Variants in ZCCHC7 observed in about 807,000 individuals in gnomAD.
The protein encoded by ZCCHC7 is zinc finger CCHC-type containing 7.
ZCCHC7 carries 35 observed loss-of-function variants against 52.0 expected under a neutral mutation model. The observed-to-expected ratio is 0.67, with a 90% confidence interval of 0.51 to 0.89. The LOEUF (loss-of-function observed/expected upper bound fraction) is 0.89. Among genes scored for constraint, ZCCHC7 ranks in the 40% least tolerant of loss-of-function variants. The probability of loss-of-function intolerance (pLI) is 0.00; values close to 1 mark genes in which losing one functional copy is unlikely to be tolerated. For missense variants in ZCCHC7, 574 were observed against 649.1 expected (o/e 0.88, Z 1.26); for synonymous variants, 217 against 221.5 (o/e 0.98, Z 0.18).
At chr9:37,216,532 G>A (rs1183750537) in intron 2 of ZCCHC7, among the ~76,000 whole-genome samples, 2 of 152,092 alleles carry the variant, frequency 1.3e-5, no homozygotes, top group Admixed American at 1.3e-4. Context: ...AAATTAGCTG[G>A]GCATGGTGGC....
chr9:37,270,829 A>G (rs1055152203), intron 2 of ZCCHC7, among the ~76,000 whole-genome samples: 11 of 151,030 alleles, frequency 7.3e-5, no homozygotes, highest in African/African-American at 2.4e-4. Context: ...ATAGTAGTAG[A>G]AGAGGAGGAG....
chr9:37,265,986 T>C (rs1827088172), intron 2 of ZCCHC7, among the ~76,000 whole-genome samples: 1 of 152,126 alleles, frequency 6.6e-6, no homozygotes, highest in Non-Finnish European at 1.5e-5. Flanking sequence ...CCTCCCCAAA[T>C]CCCTGCATGT....
intron 2 of ZCCHC7, among the ~76,000 whole-genome samples, chr9:37,254,995 C>G (rs140451310): frequency 1.8e-4 from 27 of 151,784 alleles, no homozygotes; most frequent in African/African-American, 6.5e-4. Flanking sequence ...TCAGAAGAGC[C>G]TCTTGGGATG....
chr9:37,216,546 C>T (rs1442227066), intron 2 of ZCCHC7, among the ~76,000 whole-genome samples: 1 of 152,116 alleles, frequency 6.6e-6, no homozygotes, highest in East Asian at 1.9e-4. Flanking sequence ...TGGTGGCACA[C>T]ACCTGTATTC....
intron 2 of ZCCHC7, among the ~76,000 whole-genome samples, chr9:37,178,398 C>T (rs530647718): frequency 1.5e-4 from 18 of 123,468 alleles, no homozygotes; most frequent in Non-Finnish European, 2.5e-4. Flanking sequence ...TGGCCGCCCC[C>T]TACCCCCCAC....
chr9:37,131,206 G>C (rs557216480), intron 2 of ZCCHC7, among the ~76,000 whole-genome samples: 2 of 151,668 alleles, frequency 1.3e-5, no homozygotes, highest in African/African-American at 4.8e-5. Context: ...CGGGTGTGGT[G>C]GCGGACGCCT....
Position 37,354,651 on chromosome 9 carries a change from C to A in ZCCHC7, c.1084-59C>A. 7.9e-7 allele frequency: 1 copy of A among 1,263,718 alleles called. No homozygotes were observed. Among genetic ancestry groups the A allele is most frequent in the Non-Finnish European group, 1.1e-6 (1 of 878,622 alleles). 78.3% of individuals were successfully genotyped at this position (1,263,718 alleles called of 1,614,324 possible). On this transcript the variant is annotated intron_variant, in intron 7 of 8. Transcript: ENST00000336755. This position sits in a 1 kb window ranked among gnomAD's most constrained non-coding sequence, Gnocchi z 4.0. ...CTAATTAACATGCTCCAGAATCTTG[C>A]AAAAAGGTTTTTGAACAGTGTGACC...
At chr9:37,353,254 A>T (rs1382418904) in intron 7 of ZCCHC7, among the ~76,000 whole-genome samples, 3 of 152,192 alleles carry the variant, frequency 2.0e-5, no homozygotes, top group Admixed American at 2.0e-4. Context: ...CTGAACCAAT[A>T]CCATTAAAGA....
intron 5 of ZCCHC7, among the ~76,000 whole-genome samples, chr9:37,307,101 A>G (rs550347880): frequency 5.3e-5 from 8 of 152,032 alleles, no homozygotes; most frequent in African/African-American, 1.4e-4. Flanking sequence ...CTTCTTATCA[A>G]TGATTTTGCT....
Position 37,349,367 on chromosome 9 carries a change from G to A in ZCCHC7, c.998G>A (p.Gly333Glu), listed in dbSNP as rs747973811. The A allele has an allele frequency of 2.6e-5, 42 of 1,613,580 alleles. No individual in the cohort carries two copies. Among genetic ancestry groups the A allele is most frequent in the East Asian group, 4.5e-5 (2 of 44,878 alleles). ...WRQYHLTTKP[G>E]PPKKPKTPSR... ...ATATTCATGTTGCAGACCAAACCTG[G>A]ACCACCCAAAAAGCCGAAGACCCCT... is the stretch of plus-strand genomic sequence containing the variant. Residue 333 changes from glycine (G) to glutamate (E), a missense_variant, in exon 7 of 9, where the codon GGA becomes GAA. Transcript: ENST00000336755.
chr9:37,267,234 G>A (rs558435952), intron 2 of ZCCHC7, among the ~76,000 whole-genome samples: 1 of 152,312 alleles, frequency 6.6e-6, no homozygotes, highest in Non-Finnish European at 1.5e-5. Context: ...AAGGATTAAG[G>A]TGAGATGAAT....
chr9:37,308,616 T>A (rs1046931294), intron 5 of ZCCHC7, among the ~76,000 whole-genome samples: 3 of 152,164 alleles, frequency 2.0e-5, no homozygotes, highest in South Asian at 2.1e-4. Context: ...TAGGTTTTTT[T>A]AAATAAGATT....
At chr9:37,247,001 A>G (rs7341819) in intron 2 of ZCCHC7, among the ~76,000 whole-genome samples, 5,508 of 152,226 alleles carry the variant, frequency 0.036, 305 homozygotes, top group African/African-American at 0.12. Flanking sequence ...AACTGTACTC[A>G]CCATGTTGTA....
chr9:37,164,498 T>TAGATAGATAGAC lies in ZCCHC7; in HGVS notation c.610+37559_610+37560insTAGATAGACAGA, dbSNP rs755789110. Among the ~76,000 whole-genome samples, 213 of 134,982 alleles carry TAGATAGATAGAC rather than the reference T, an allele frequency of 1.6e-3. 2 individuals are homozygous for TAGATAGATAGAC. Among genetic ancestry groups the TAGATAGATAGAC allele is most frequent in the East Asian group, 4.9e-3 (23 of 4,724 alleles). 88.6% of individuals were successfully genotyped at this position (134,982 alleles called of 152,430 possible). A position where few individuals can be genotyped will look rare whatever the true frequency, so the allele number is the denominator to read the frequency against. On this transcript the variant is annotated intron_variant, in intron 2 of 8. Transcript: ENST00000336755. ...ATAGATAGATAGATAGATAGATAGA[T>TAGATAGATAGAC]AGACAGACAAGATAGATAGACTCTG... is the stretch of plus-strand genomic sequence containing the variant.
chr9:37,333,925 C>T (rs1588685295), intron 6 of ZCCHC7: 1 of 151,786 alleles, frequency 6.6e-6, no homozygotes, highest in Non-Finnish European at 1.5e-5. Context: ...TTTCTTTTTA[C>T]TTGCAACTCT....
Position 37,354,889 on chromosome 9 carries a change from G to A in ZCCHC7, c.1198+65G>A. On this transcript the variant is annotated intron_variant, in intron 8 of 8. Coordinates refer to ENST00000336755, the MANE Select transcript of ZCCHC7 (RefSeq NM_032226.3). The surrounding 1 kb of genome is among the most constrained non-coding windows in gnomAD (Gnocchi z 4.0). ...GTTTCTAAATTTCTTTGTTTGTACT[G>A]TCTTTGCCTGCTTTGGGGGTCATTG... 2.9e-6 allele frequency: 3 copies of A among 1,047,344 alleles called. No homozygotes were observed. The South Asian group carries it at 4.2e-5, about 15-fold the overall frequency. The allele number at this position is 1,047,344 out of a possible 1,614,324, so 64.9% of individuals were successfully genotyped here.
chr9:37,186,564 A>G (rs1251798709), intron 2 of ZCCHC7: 2 of 373,184 alleles, frequency 5.4e-6, no homozygotes, highest in Non-Finnish European at 1.0e-5. Context: ...GGGTGTTACA[A>G]ACACATCAAG....
chr9:37,245,166 A>G (rs1461842691), intron 2 of ZCCHC7, among the ~76,000 whole-genome samples: 1 of 151,944 alleles, frequency 6.6e-6, no homozygotes, highest in African/African-American at 2.4e-5. Flanking sequence ...TATATTTGGC[A>G]TAAATTGAGT....
chr9:37,282,835 A>T, intron 2 of ZCCHC7, among the ~76,000 whole-genome samples: 2 of 128,060 alleles, frequency 1.6e-5, no homozygotes, highest in East Asian at 2.5e-4. Flanking sequence ...AGGCGGGGGG[A>T]GTGAGGGGGT....
Sources: allele counts gnomAD v4.1 joint callset (sites outside exome capture counted in the v4.1 genomes callset), GRCh38; gene constraint gnomAD v4.1.1; non-coding constraint Gnocchi (gnomAD v3.1); transcripts MANE v1.5; gene names NCBI Gene and HGNC (gene_info 2026-07-23, HGNC 2026-07-21).